The following ZNRF1 variants were observed in gnomAD, a reference collection of about 807,000 sequenced individuals.
The protein encoded by ZNRF1 is E3 ubiquitin-protein ligase ZNRF1.
In ZNRF1, 3 loss-of-function variants were observed where a neutral mutation model predicts 18.4. The observed-to-expected ratio is 0.16, with a 90% CI of 0.07 to 0.42. The LOEUF (loss-of-function observed/expected upper bound fraction) is 0.42. Ranked by LOEUF, ZNRF1 falls within the 10% of genes least tolerant of loss-of-function variation. The probability of loss-of-function intolerance (pLI) is 0.99; values close to 1 mark genes in which losing one functional copy is unlikely to be tolerated. For missense variants in ZNRF1, 310 were observed against 329.8 expected (o/e 0.94, Z 0.47); for synonymous variants, 157 against 144.2 (o/e 1.09, Z -0.64).
intron 1 of ZNRF1, among the ~76,000 whole-genome samples, chr16:75,050,680 A>G (rs2145372904): frequency 6.6e-6 from 1 of 151,470 alleles, no homozygotes; most frequent in Middle Eastern, 3.5e-3. Flanking sequence ...CATCCTGGCT[A>G]ACACGGTGAA....
chr16:75,098,349 G>A (rs1485432170), intron 2 of ZNRF1, among the ~76,000 whole-genome samples: 5 of 152,236 alleles, frequency 3.3e-5, no homozygotes, highest in Admixed American at 3.3e-4. Flanking sequence ...AAAGTATGAA[G>A]CGCTCCAGGC....
intron 1 of ZNRF1, among the ~76,000 whole-genome samples, chr16:75,011,120 A>G (rs1310100539): frequency 6.6e-6 from 1 of 152,048 alleles, no homozygotes; most frequent in Non-Finnish European, 1.5e-5. Flanking sequence ...AGATCTTTTC[A>G]TTTTGTTTCC....
chr16:75,107,854 C>T lies in ZNRF1; in HGVS notation c.*154C>T. 4.4e-6 allele frequency: 2 copies of T among 455,822 alleles called. No homozygotes were observed. The highest frequency in any genetic ancestry group is 3.1e-5 in the South Asian group (2 of 64,492). The allele number at this position is 455,822 out of a possible 1,614,324, so 28.2% of individuals were successfully genotyped here. A position where few individuals can be genotyped will look rare whatever the true frequency, so the allele number is the denominator to read the frequency against. ...GACTTCCAGATCATGGTTCTCCCTT[C>T]CTCCCTGAGGACACCAAATTGGATG... On this transcript the variant is annotated 3_prime_UTR_variant, in exon 5 of 5. Coordinates refer to ENST00000335325, the MANE Select transcript of ZNRF1 (RefSeq NM_032268.5).
At chr16:75,062,561 G>A (rs958432438) in intron 1 of ZNRF1, among the ~76,000 whole-genome samples, 3 of 152,252 alleles carry the variant, frequency 2.0e-5, no homozygotes, top group Non-Finnish European at 2.9e-5. Context: ...GTGTGTAGCA[G>A]GATCACCCGG....
chr16:75,021,847 A>C (rs2035153811), intron 1 of ZNRF1, among the ~76,000 whole-genome samples: 2 of 152,128 alleles, frequency 1.3e-5, no homozygotes, highest in African/African-American at 4.8e-5. Flanking sequence ...ATCAAATATC[A>C]TGTGTTTCAC....
At chr16:75,060,078 G>C (rs562552513) in intron 1 of ZNRF1, among the ~76,000 whole-genome samples, 4 of 151,460 alleles carry the variant, frequency 2.6e-5, no homozygotes, top group Non-Finnish European at 4.4e-5. Flanking sequence ...TTTTTGAGGC[G>C]AGTCTCACTC....
chr16:75,004,561 A>G (rs2034893804), intron 1 of ZNRF1, among the ~76,000 whole-genome samples: 1 of 152,134 alleles, frequency 6.6e-6, no homozygotes, highest in Non-Finnish European at 1.5e-5. Context: ...ACTGTTCTTT[A>G]TTGTCATCAA....
intron 1 of ZNRF1, among the ~76,000 whole-genome samples, chr16:75,001,272 T>TTC (rs987231832): frequency 2.0e-5 from 3 of 151,570 alleles, no homozygotes; most frequent in African/African-American, 7.3e-5. Context: ...GGTATCTCTT[T>TTC]CCCCCCCCCT....
intron 1 of ZNRF1, among the ~76,000 whole-genome samples, chr16:75,048,773 A>G (rs1166901422): frequency 6.6e-6 from 1 of 152,176 alleles, no homozygotes; most frequent in Admixed American, 6.5e-5. Flanking sequence ...GGTGATCTCT[A>G]CTAGGCAAAG....
intron 1 of ZNRF1, among the ~76,000 whole-genome samples, chr16:75,001,293 TG>T (rs1217017829): frequency 2.0e-5 from 3 of 152,152 alleles, no homozygotes; most frequent in Non-Finnish European, 4.4e-5. Context: ...GCAAATAGCC[TG>T]GGGTTTGTTT....
intron 1 of ZNRF1, among the ~76,000 whole-genome samples, chr16:75,006,490 C>T (rs931429355): frequency 1.3e-5 from 2 of 152,162 alleles, no homozygotes; most frequent in Non-Finnish European, 2.9e-5. Flanking sequence ...GGCTGGAGTG[C>T]AGTGGCATGA....
intron 1 of ZNRF1, chr16:75,000,389 G>A (rs1414046255): frequency 5.1e-6 from 3 of 591,928 alleles, no homozygotes; most frequent in South Asian, 1.5e-5. Flanking sequence ...CAGAGAAGAG[G>A]TCGTGTCTGG....
At chr16:75,073,804 T>C (rs1168148912) in intron 1 of ZNRF1, among the ~76,000 whole-genome samples, 2 of 152,092 alleles carry the variant, frequency 1.3e-5, no homozygotes, top group South Asian at 2.1e-4. Flanking sequence ...CGTGCTGTAT[T>C]CTGATTGACC....
chr16:75,081,406 G>A (rs1381823496), intron 1 of ZNRF1, among the ~76,000 whole-genome samples: 2 of 152,194 alleles, frequency 1.3e-5, no homozygotes, highest in Non-Finnish European at 2.9e-5. Flanking sequence ...CAAATCCCTT[G>A]GGAGTGGTAA....
intron 1 of ZNRF1, among the ~76,000 whole-genome samples, chr16:75,074,816 C>T (rs998777592): frequency 6.6e-6 from 1 of 152,038 alleles, no homozygotes; most frequent in Non-Finnish European, 1.5e-5. Context: ...GCCTATAATC[C>T]CAGCTCTTTA....
intron 1 of ZNRF1, among the ~76,000 whole-genome samples, chr16:75,081,355 G>A (rs2036010021): frequency 6.6e-6 from 1 of 152,210 alleles, no homozygotes; most frequent in African/African-American, 2.4e-5. Flanking sequence ...CCTCCTGAAG[G>A]TGGAGGAAGT....
intron 1 of ZNRF1, among the ~76,000 whole-genome samples, chr16:75,060,537 G>A (rs865875530): frequency 7.0e-6 from 1 of 143,220 alleles, no homozygotes; most frequent in Non-Finnish European, 1.5e-5. Flanking sequence ...GGAGTGCAGT[G>A]GTGTGATCTC....
At chr16:75,011,550 G>T (rs893389840) in intron 1 of ZNRF1, among the ~76,000 whole-genome samples, 6 of 152,206 alleles carry the variant, frequency 3.9e-5, no homozygotes, top group Non-Finnish European at 7.4e-5. Flanking sequence ...CTTTTTTATA[G>T]CTCTGCCTGC....
At chr16:75,053,457 C>T (rs1273513886) in intron 1 of ZNRF1, among the ~76,000 whole-genome samples, 2 of 151,976 alleles carry the variant, frequency 1.3e-5, no homozygotes, top group African/African-American at 4.8e-5. Flanking sequence ...GGCCTGGTGG[C>T]ACACGCCTAT....
Sources: gnomAD v4.1 joint callset for allele counts (sites outside exome capture counted in the v4.1 genomes callset) on GRCh38, gnomAD v4.1.1 for gene constraint, MANE v1.5 for transcripts, NCBI Gene and HGNC (gene_info 2026-07-23, HGNC 2026-07-21) for gene names.